Variants in EPG5 observed in about 807,000 individuals in gnomAD.
EPG5 encodes the protein ectopic P granules protein 5 homolog.
EPG5 carries 159 observed loss-of-function variants against 302.7 expected under a neutral mutation model. That is an observed-to-expected ratio of 0.53 (90% CI 0.46 to 0.60). EPG5 has a LOEUF of 0.60. Among genes scored for constraint, EPG5 ranks in the 20% least tolerant of loss-of-function variants. The pLI, the probability that EPG5 is intolerant of heterozygous loss-of-function variation, is 0.00. For synonymous variants in EPG5, 1,158 were observed against 1,136.8 expected (o/e 1.02, Z -0.37); for missense variants, 2,896 against 3,092.4 (o/e 0.94, Z 1.51).
intron 32 of EPG5, among the ~76,000 whole-genome samples, chr18:45,879,859 C>T (rs1039719015): frequency 1.3e-5 from 2 of 152,100 alleles, no homozygotes; most frequent in Admixed American, 6.6e-5. Flanking sequence ...CAGGGGAGTG[C>T]CTGCCCTTGT....
chr18:45,864,324 T>G (rs2048697699), intron 39 of EPG5, among the ~76,000 whole-genome samples: 1 of 152,166 alleles, frequency 6.6e-6, no homozygotes, highest in African/African-American at 2.4e-5. Context: ...GTTTACCAAT[T>G]TTCTCTTCGG....
At chr18:45,951,317 TAAC>T (rs1217740236) in intron 3 of EPG5, 79 bp from the exon 4 acceptor site, 4 of 1,071,242 alleles carry the variant, frequency 3.7e-6, no homozygotes, top group African/African-American at 3.2e-5. Flanking sequence ...CTTAAACCAA[TAAC>T]AACAAAAACC....
At chr18:45,804,817 C>G in the EPG5 span, among the ~76,000 whole-genome samples, 88 of 152,180 alleles carry the variant, frequency 5.8e-4, 1 homozygote, top group African/African-American at 2.0e-3. Flanking sequence ...ATAGAAAAAA[C>G]TGCTTTTCCA....
intron 21 of EPG5, 31 bp from the exon 22 acceptor site, chr18:45,912,487 C>T (rs754452938): frequency 6.4e-7 from 1 of 1,572,626 alleles, no homozygotes; most frequent in Non-Finnish European, 8.6e-7. Flanking sequence ...TGAGTAGCCA[C>T]AAAATGAACA....
intron 25 of EPG5, among the ~76,000 whole-genome samples, chr18:45,901,666 G>T (rs1452363832): frequency 6.6e-6 from 1 of 152,072 alleles, no homozygotes; most frequent in African/African-American, 2.4e-5. Flanking sequence ...ATATGCATAA[G>T]CTCCTTCAGC....
In EPG5 at chr18:45,884,986, G is replaced by T. The variant is rs1315037774; in HGVS notation, c.5110-175C>A. On this transcript the variant is annotated intron_variant, in intron 29 of 43. Coordinates refer to ENST00000282041, the MANE Select transcript of EPG5 (RefSeq NM_020964.3). ...ATAGATAAGCCTATTGCTTCCAATG[G>T]AAGTAATATTAGAAATTCTGAAGAA... Among the ~76,000 whole-genome samples, 3 of 152,160 alleles carry T rather than the reference G, an allele frequency of 2.0e-5. No individual in the cohort carries two copies. In the East Asian group the frequency reaches 5.8e-4, roughly 29 times the overall value.
Position 45,929,045 on chromosome 18 carries a change from T to C in EPG5, c.2413-36A>G, listed in dbSNP as rs769971103. 18 of 1,596,498 alleles carry C rather than the reference T, an allele frequency of 1.1e-5. No homozygotes were observed. In the Admixed American group the frequency reaches 3.1e-4, roughly 27 times the overall value. On this transcript the variant is annotated intron_variant, in intron 12 of 43. Transcript: ENST00000282041. ...GGAAGGGGGAAGAAGATGGCACTTT[T>C]AATATCAATTAGCAGTCAAAACACA...
intron 31 of EPG5, 123 bp from the exon 32 acceptor site, chr18:45,880,346 A>C: frequency 1.1e-5 from 11 of 960,146 alleles, no homozygotes; most frequent in Non-Finnish European, 1.3e-5. Context: ...AAACAAACTC[A>C]CAGGGATATC....
the EPG5 span, among the ~76,000 whole-genome samples, chr18:45,841,706 G>A: frequency 1.3e-5 from 2 of 152,182 alleles, no homozygotes; most frequent in African/African-American, 4.8e-5. Context: ...ATAAAGACAA[G>A]AGGAGAAGAG....
intron 1 of EPG5, among the ~76,000 whole-genome samples, chr18:45,956,284 A>G (rs1438049733): frequency 6.6e-6 from 1 of 152,200 alleles, no homozygotes; most frequent in Non-Finnish European, 1.5e-5. Context: ...TGTGGTCATG[A>G]AAGACAAGAC....
Position 45,927,593 on chromosome 18 carries a change from TACAC to T in EPG5, c.2553+1272_2553+1275del, listed in dbSNP as rs67488772. 5.1e-3 allele frequency among the ~76,000 whole-genome samples: 681 copies of T among 133,490 alleles called. 6 individuals are homozygous for T. The highest frequency in any genetic ancestry group is 0.018 in the African/African-American group (621 of 33,802). 87.6% of individuals were successfully genotyped at this position (133,490 alleles called of 152,430 possible). A position where few individuals can be genotyped will look rare whatever the true frequency, so the allele number is the denominator to read the frequency against. On this transcript the variant is annotated intron_variant, in intron 13 of 43. Coordinates refer to ENST00000282041, the MANE Select transcript of EPG5 (RefSeq NM_020964.3). ...GACTGAATGGATAAACAAAAAGTTA[TACAC>T]ACACACACACACACACACACACACA...
intron 27 of EPG5, among the ~76,000 whole-genome samples, chr18:45,891,498 CAAAAAAAAAA>C (rs763632848): frequency 2.0e-5 from 1 of 50,360 alleles, no homozygotes; most frequent in South Asian, 7.2e-4. Context: ...GACTCCGTCT[CAAAAAAAAAA>C]AAAAAAAAAA....
chr18:45,824,539 A>G, the EPG5 span, among the ~76,000 whole-genome samples: 1 of 152,258 alleles, frequency 6.6e-6, no homozygotes, highest in Non-Finnish European at 1.5e-5. Flanking sequence ...AAGGGTTTTA[A>G]GCAGGGAAGA....
rs576918627 is a variant in EPG5, at chr18:45,942,582, C to T, written c.1943+579G>A. Among the ~76,000 whole-genome samples the T allele has an allele frequency of 2.6e-5, 4 of 151,988 alleles. No homozygotes were observed. The East Asian group carries it at 7.7e-4, about 29-fold the overall frequency. ...CGTGCCCACTGTACTCCAGCCTGGG[C>T]AAAAGAGCGAGACTCATCTCAAAAA... On this transcript the variant is annotated intron_variant, in intron 9 of 43. Coordinates refer to ENST00000282041, the MANE Select transcript of EPG5 (RefSeq NM_020964.3).
chr18:45,921,406 G>T (rs1414154986), intron 16 of EPG5, among the ~76,000 whole-genome samples: 3 of 152,066 alleles, frequency 2.0e-5, no homozygotes, highest in Non-Finnish European at 2.9e-5. Flanking sequence ...CATAAGAAAA[G>T]AATCTTTAAA....
chr18:45,884,516 C>G, intron 30 of EPG5, 101 bp downstream of exon 30: 2 of 1,110,556 alleles, frequency 1.8e-6, no homozygotes, highest in Non-Finnish European at 2.6e-6. Context: ...CTCTGCTGTA[C>G]CTGGAAACAA....
intron 36 of EPG5, chr18:45,868,064 G>C: frequency 2.1e-6 from 1 of 479,684 alleles, no homozygotes; most frequent in Non-Finnish European, 4.1e-6. Context: ...GGAGCTGCAG[G>C]GAGTGTATCA....
At chr18:45,931,738 C>T (rs1318184640) in intron 11 of EPG5, among the ~76,000 whole-genome samples, 6 of 151,906 alleles carry the variant, frequency 3.9e-5, no homozygotes, top group Admixed American at 1.3e-4. Flanking sequence ...GGGAGACTGA[C>T]GCAGGAGAAT....
chr18:45,903,820 T>C (rs928276654), intron 25 of EPG5, among the ~76,000 whole-genome samples, 153 bp downstream of exon 25: 5 of 152,386 alleles, frequency 3.3e-5, no homozygotes, highest in Admixed American at 2.6e-4. Flanking sequence ...AGTTGCAATT[T>C]ACACCATTGT....
Sources: allele counts gnomAD v4.1 joint callset (sites outside exome capture counted in the v4.1 genomes callset), GRCh38; gene constraint gnomAD v4.1.1; transcripts MANE v1.5; gene names NCBI Gene and HGNC (gene_info 2026-07-23, HGNC 2026-07-21).